Variants in RABGAP1L observed in about 807,000 individuals in gnomAD.
The protein encoded by RABGAP1L is rab GTPase-activating protein 1-like.
In RABGAP1L, 63 loss-of-function variants were observed where a neutral mutation model predicts 137.7. The observed-to-expected ratio is 0.46, with a 90% CI of 0.37 to 0.56. The LOEUF (loss-of-function observed/expected upper bound fraction) is 0.56, where lower values mean the gene tolerates loss of function less well. Among genes scored for constraint, RABGAP1L ranks in the 20% least tolerant of loss-of-function variants. The probability of loss-of-function intolerance (pLI) is 0.00; values close to 1 mark genes in which losing one functional copy is unlikely to be tolerated. For missense variants in RABGAP1L, 1,095 were observed against 1,244.0 expected (o/e 0.88, Z 1.80); for synonymous variants, 431 against 433.7 (o/e 0.99, Z 0.08).
chr1:174,563,818 G>C (rs1046512201), intron 13 of RABGAP1L, among the ~76,000 whole-genome samples: 1 of 151,906 alleles, frequency 6.6e-6, no homozygotes, highest in Non-Finnish European at 1.5e-5. Context: ...ATGAATGAAT[G>C]GGGGGAAAGC....
intron 18 of RABGAP1L, among the ~76,000 whole-genome samples, chr1:174,774,374 T>G (rs959708607): frequency 2.0e-5 from 3 of 152,108 alleles, no homozygotes; most frequent in Admixed American, 6.6e-5. Context: ...GAGGATCACA[T>G]GAGTCTTGGA....
At position 174,278,730 on chromosome 1, in the gene RABGAP1L, A is replaced by G; in HGVS notation, c.1274A>G (p.Tyr425Cys). ...RVYPANERFWYFSRKTFTETF... is the reference protein window; with the variant it reads ...RVYPANERFWCFSRKTFTETF... ...TACCCTGCAAATGAGCGATTTTGGT[A>G]TTTCAGCAGAAAGACTTTCACAGAG... Residue 425 changes from tyrosine to cysteine, a missense_variant, in exon 10 of 26, where the codon TAT becomes TGT. Tyr to Cys is a radical substitution (Grantham distance 194). Coordinates refer to ENST00000681986, the MANE Select transcript of RABGAP1L (RefSeq NM_001366446.1). 1.9e-6 allele frequency: 3 copies of G among 1,585,532 alleles called. No individual in the cohort carries two copies. The highest frequency in any genetic ancestry group is 2.6e-6 in the Non-Finnish European group (3 of 1,171,388).
intron 19 of RABGAP1L, among the ~76,000 whole-genome samples, chr1:174,862,533 A>G (rs1650432950): frequency 1.3e-5 from 2 of 152,180 alleles, no homozygotes; most frequent in African/African-American, 4.8e-5. Flanking sequence ...TAAAATATTA[A>G]TGTGTTAAAG....
chr1:174,875,948 A>AT (rs541419453), intron 19 of RABGAP1L, among the ~76,000 whole-genome samples: 31 of 152,228 alleles, frequency 2.0e-4, no homozygotes, highest in East Asian at 1.5e-3. Flanking sequence ...AAAATATTGC[A>AT]TTTTTTTGTT....
At chr1:174,636,967 T>C (rs558258182) in intron 13 of RABGAP1L, among the ~76,000 whole-genome samples, 1 of 152,220 alleles carries the variant, frequency 6.6e-6, no homozygotes, top group Non-Finnish European at 1.5e-5. Flanking sequence ...GATATATCTA[T>C]ATCCAGATAT....
intron 13 of RABGAP1L, among the ~76,000 whole-genome samples, chr1:174,513,857 T>C (rs1369188111): frequency 1.3e-5 from 2 of 152,196 alleles, no homozygotes; most frequent in African/African-American, 4.8e-5. Flanking sequence ...AAATAACATC[T>C]TTGTTAGATC....
At chr1:174,183,867 C>CTTT (rs772022782) in intron 1 of RABGAP1L, among the ~76,000 whole-genome samples, 26,925 of 130,170 alleles carry the variant, frequency 0.21, 3,288 homozygotes, top group Non-Finnish European at 0.25. Flanking sequence ...TTCAGATTGG[C>CTTT]TTTTTTTTTT....
Position 174,501,478 on chromosome 1 carries a change from C to T in RABGAP1L, c.1710+107333C>T, listed in dbSNP as rs1254626501. Reference sequence around the variant, plus strand: ...TGCTGGGATTACAGGCATGAGCCACCGTGCCTGGCCTCACTTTGTTTACTT... The same window carrying T: ...TGCTGGGATTACAGGCATGAGCCACTGTGCCTGGCCTCACTTTGTTTACTT... On this transcript the variant is annotated intron_variant, in intron 13 of 25. Transcript: ENST00000681986. Among the ~76,000 whole-genome samples, 6 of 152,060 alleles carry T rather than the reference C, an allele frequency of 3.9e-5. No homozygotes were observed. In the East Asian group the frequency reaches 9.7e-4, roughly 24 times the overall value.
At chr1:174,707,578 G>T (rs1244129997) in intron 17 of RABGAP1L, among the ~76,000 whole-genome samples, 1 of 152,110 alleles carries the variant, frequency 6.6e-6, no homozygotes. Flanking sequence ...CATTTTCTTT[G>T]TTTGTGTAAT....
intron 13 of RABGAP1L, among the ~76,000 whole-genome samples, chr1:174,465,410 G>A (rs1302594449): frequency 6.6e-6 from 1 of 151,680 alleles, no homozygotes; most frequent in Non-Finnish European, 1.5e-5. Context: ...ACATTGGCCA[G>A]GCTGGTTTCG....
intron 13 of RABGAP1L, among the ~76,000 whole-genome samples, chr1:174,519,217 T>TAC (rs751974283): frequency 1.1e-4 from 16 of 144,416 alleles, no homozygotes; most frequent in Middle Eastern, 3.5e-3. Flanking sequence ...TACATATATA[T>TAC]ATACACACAC....
intron 19 of RABGAP1L, among the ~76,000 whole-genome samples, chr1:174,835,343 A>G (rs1449686651): frequency 6.7e-6 from 1 of 149,680 alleles, no homozygotes; most frequent in Non-Finnish European, 1.5e-5. Flanking sequence ...AAATATTCTT[A>G]GTTAGTTGAA....
At chr1:174,916,135 A>G (rs1204759101) in intron 19 of RABGAP1L, among the ~76,000 whole-genome samples, 1 of 77,268 alleles carries the variant, frequency 1.3e-5, no homozygotes, top group Admixed American at 1.4e-4. Context: ...TTTTTTTTGT[A>G]TAGGGCTATC....
intron 13 of RABGAP1L, among the ~76,000 whole-genome samples, chr1:174,488,147 C>T (rs1007037819): frequency 2.0e-5 from 3 of 151,794 alleles, no homozygotes; most frequent in African/African-American, 7.3e-5. Context: ...CAGTTTATTT[C>T]TTATTGCTCA....
intron 19 of RABGAP1L, among the ~76,000 whole-genome samples, chr1:174,860,012 A>G (rs1030940358): frequency 1.5e-5 from 2 of 135,068 alleles, no homozygotes; most frequent in Non-Finnish European, 3.0e-5. Flanking sequence ...CTAAGCTCAC[A>G]TGGTATATTG....
chr1:174,728,607 T>C (rs1682197151), intron 17 of RABGAP1L, among the ~76,000 whole-genome samples: 1 of 148,580 alleles, frequency 6.7e-6, no homozygotes, highest in Non-Finnish European at 1.5e-5. Flanking sequence ...TTTTTTTTTT[T>C]TTTTTTTTGA....
At position 174,828,065 on chromosome 1, in the gene RABGAP1L, T is replaced by C. The variant is rs1449544211; in HGVS notation, c.2340+16105T>C. ...AGAATTATTTACATAAAAACTTTTG[T>C]CCCTAAATTTTGACCCAATTTTAGG... On this transcript the variant is annotated intron_variant, in intron 19 of 25. Transcript: ENST00000681986. Among the ~76,000 whole-genome samples, 2 of 148,264 alleles carry C rather than the reference T, an allele frequency of 1.3e-5. 1 individual carries two copies. The highest frequency in any genetic ancestry group is 3.0e-5 in the Non-Finnish European group (2 of 66,642).
intron 19 of RABGAP1L, among the ~76,000 whole-genome samples, chr1:174,866,961 G>A (rs1374479959): frequency 3.3e-5 from 5 of 151,764 alleles, no homozygotes; most frequent in South Asian, 2.1e-4. Flanking sequence ...GAGTGGTGGC[G>A]CTTGTAGTCC....
At chr1:174,701,034 A>G (rs1557997618) in intron 16 of RABGAP1L, 13 of 1,296,044 alleles carry the variant, frequency 1.0e-5, no homozygotes, top group African/African-American at 3.1e-5. Flanking sequence ...ACATTTGGCT[A>G]TTTTTCAAAG....
Sources: gnomAD v4.1 joint callset for allele counts (sites outside exome capture counted in the v4.1 genomes callset) on GRCh38, gnomAD v4.1.1 for gene constraint, MANE v1.5 for transcripts, NCBI Gene and HGNC (gene_info 2026-07-23, HGNC 2026-07-21) for gene names.